Variants in SATB2 observed in about 807,000 individuals in gnomAD.
The protein encoded by SATB2 is SATB homeobox 2.
Under a neutral mutation model 73.4 loss-of-function variants are expected in SATB2, and 1 was observed. The ratio of observed to expected loss-of-function variants is 0.01; its 90% CI spans 0.00 to 0.06. The LOEUF (loss-of-function observed/expected upper bound fraction) is 0.06. Among genes scored for constraint, SATB2 ranks in the 10% least tolerant of loss-of-function variants. SATB2 has a pLI of 1.00. For synonymous variants in SATB2, 397 were observed against 367.0 expected, an observed-to-expected ratio of 1.08 and a Z score of -0.93; for missense variants, 459 against 945.8, an observed-to-expected ratio of 0.49 and a Z score of 6.75.
At chr2:199,310,206 T>C (rs1687558962) in intron 9 of SATB2, among the ~76,000 whole-genome samples, 2 of 152,226 alleles carry the variant, frequency 1.3e-5, no homozygotes, top group Non-Finnish European at 1.5e-5. Context: ...CTGTAGGCAC[T>C]GAACTGTGAA....
intron 9 of SATB2, among the ~76,000 whole-genome samples, chr2:199,313,454 T>C (rs771171695): frequency 6.6e-6 from 1 of 152,148 alleles, no homozygotes; most frequent in Non-Finnish European, 1.5e-5. Flanking sequence ...TTCCCAAGCA[T>C]TAGGGTGCAT....
intron 6 of SATB2, among the ~76,000 whole-genome samples, chr2:199,361,742 A>G (rs1348615199): frequency 6.6e-6 from 1 of 150,826 alleles, no homozygotes. Context: ...TCGCCCAGCC[A>G]GGTCCCAACC....
intron 1 of SATB2, among the ~76,000 whole-genome samples, chr2:199,456,948 G>C (rs1692295333): frequency 6.9e-6 from 1 of 144,446 alleles, no homozygotes; most frequent in Non-Finnish European, 1.5e-5. Context: ...GGAAGCCGCA[G>C]GTCTCGACAC....
Position 199,308,556 on chromosome 2 carries a change from A to C in SATB2, c.1740+204T>G, listed in dbSNP as rs1687501110. 6.6e-6 allele frequency among the ~76,000 whole-genome samples: 1 copy of C among 151,438 alleles called. No individual in the cohort carries two copies. The highest frequency in any genetic ancestry group is 6.6e-5 in the Admixed American group (1 of 15,262). Reference sequence around the variant, plus strand: ...TTTTTCTTTGTGTGTGCATACACACACACACACGCACGCACATGCACACAC... The same window carrying C: ...TTTTTCTTTGTGTGTGCATACACACCCACACACGCACGCACATGCACACAC... On this transcript the variant is annotated intron_variant, in intron 10 of 10. Coordinates refer to ENST00000417098, the MANE Select transcript of SATB2 (RefSeq NM_001172509.2). This position sits in a 1 kb window ranked among gnomAD's most constrained non-coding sequence, Gnocchi z 4.6.
At chr2:199,288,414 C>T (rs369307678) in intron 10 of SATB2, among the ~76,000 whole-genome samples, 1 of 152,112 alleles carries the variant, frequency 6.6e-6, no homozygotes, top group Non-Finnish European at 1.5e-5. Context: ...AAGGAGAAAG[C>T]ATGTTTGGAA....
chr2:199,470,703 G>A (rs1410939159), intron 1 of SATB2: 1 of 152,330 alleles, frequency 6.6e-6, no homozygotes, highest in African/African-American at 2.4e-5. Flanking sequence ...TTCTGCTCCC[G>A]ACTTACCCAC....
intron 9 of SATB2, among the ~76,000 whole-genome samples, chr2:199,311,916 C>G (rs1194850404): frequency 6.6e-6 from 1 of 152,142 alleles, no homozygotes; most frequent in East Asian, 1.9e-4. Flanking sequence ...CACGCAGTTG[C>G]ATGAACACAC....
At chr2:199,381,652 A>C in intron 4 of SATB2, 42 bp downstream of exon 4, 1 of 1,612,640 alleles carries the variant, frequency 6.2e-7, no homozygotes, top group Non-Finnish European at 8.5e-7. Context: ...TTGACGGAGC[A>C]GCTCTGACAG....
intron 7 of SATB2, chr2:199,329,292 G>C: frequency 4.6e-6 from 1 of 216,646 alleles, no homozygotes; most frequent in Admixed American, 5.1e-5. Flanking sequence ...GTCCTGCTTA[G>C]CTTTACAAAT....
At chr2:199,392,061 T>C (rs923830852) in intron 3 of SATB2, among the ~76,000 whole-genome samples, 1 of 152,126 alleles carries the variant, frequency 6.6e-6, no homozygotes, top group Non-Finnish European at 1.5e-5. Context: ...AGTTCATCTG[T>C]AGAGCAGTCA....
chr2:199,322,365 C>G (rs1687915305), intron 9 of SATB2, among the ~76,000 whole-genome samples: 1 of 152,168 alleles, frequency 6.6e-6, no homozygotes, highest in Non-Finnish European at 1.5e-5. Context: ...TGGCATTATG[C>G]ATTTAACAGC....
chr2:199,469,340 G>A (rs896942305), upstream of SATB2, among the ~76,000 whole-genome samples: 2 of 152,086 alleles, frequency 1.3e-5, no homozygotes, highest in Non-Finnish European at 2.9e-5. Context: ...CTTCCCGCCC[G>A]TCGTCTGCGG....
chr2:199,321,237 GT>G (rs1485854470), intron 9 of SATB2, among the ~76,000 whole-genome samples: 1 of 151,580 alleles, frequency 6.6e-6, no homozygotes, highest in Non-Finnish European at 1.5e-5. Context: ...TCTATAAGGT[GT>G]ATATATATGA....
At chr2:199,443,021 A>ATTTTTTT (rs10673737) in intron 2 of SATB2, among the ~76,000 whole-genome samples, 2 of 133,586 alleles carry the variant, frequency 1.5e-5, no homozygotes, top group Non-Finnish European at 3.1e-5. Context: ...GTTTCTGAGA[A>ATTTTTTT]TTTTTTTTTT....
chr2:199,455,842 G>A lies in SATB2; in HGVS notation c.169+27C>T. 1 of 1,534,326 alleles carries A rather than the reference G, an allele frequency of 6.5e-7. No homozygotes were observed. Among genetic ancestry groups the A allele is most frequent in the Non-Finnish European group, 8.7e-7 (1 of 1,146,448 alleles). On this transcript the variant is annotated intron_variant, in intron 2 of 10. Coordinates refer to ENST00000417098, the MANE Select transcript of SATB2 (RefSeq NM_001172509.2). This position sits in a 1 kb window ranked among gnomAD's most constrained non-coding sequence, Gnocchi z 4.1. ...GGCCATTATCACTGGGCCGCGGGCTGCGCGCCTCCCTGCTCCGGGCTGTTA... is the reference window on the plus strand; with the variant it reads ...GGCCATTATCACTGGGCCGCGGGCTACGCGCCTCCCTGCTCCGGGCTGTTA...
intron 9 of SATB2, among the ~76,000 whole-genome samples, chr2:199,317,598 C>G (rs1687770686): frequency 1.3e-5 from 2 of 152,020 alleles, no homozygotes; most frequent in South Asian, 4.1e-4. Context: ...TCTTCATTAT[C>G]ATCATTATTA....
intron 10 of SATB2, among the ~76,000 whole-genome samples, chr2:199,301,369 A>G (rs1399020410): frequency 6.6e-6 from 1 of 152,166 alleles, no homozygotes; most frequent in Non-Finnish European, 1.5e-5. Flanking sequence ...ACTGCAGGGT[A>G]CTAGAAGCCA....
At chr2:199,445,353 C>T (rs984848046) in intron 2 of SATB2, among the ~76,000 whole-genome samples, 1 of 152,140 alleles carries the variant, frequency 6.6e-6, no homozygotes, top group Non-Finnish European at 1.5e-5. Flanking sequence ...CAGTATCAAT[C>T]CTGAACATGC....
At chr2:199,380,576 C>G in intron 4 of SATB2, 89 bp from the exon 5 acceptor site, 1 of 1,489,100 alleles carries the variant, frequency 6.7e-7, no homozygotes, top group Admixed American at 1.7e-5. Context: ...ATTCTTGGGT[C>G]TTGTGGGAGC....
Sources: allele counts gnomAD v4.1 joint callset (sites outside exome capture counted in the v4.1 genomes callset), GRCh38; gene constraint gnomAD v4.1.1; non-coding constraint Gnocchi (gnomAD v3.1); transcripts MANE v1.5; gene names NCBI Gene and HGNC (gene_info 2026-07-23, HGNC 2026-07-21).